AKIRIN2: variants seen among roughly 807,000 people sequenced by gnomAD.
The protein encoded by AKIRIN2 is akirin-2.
AKIRIN2 carries 6 observed loss-of-function variants against 29.3 expected under a neutral mutation model. That is an observed-to-expected ratio of 0.20 (90% CI 0.11 to 0.40). The LOEUF (loss-of-function observed/expected upper bound fraction) is 0.40, where lower values mean the gene tolerates loss of function less well. Ranked by LOEUF, AKIRIN2 falls within the 10% of genes least tolerant of loss-of-function variation. The pLI, the probability that AKIRIN2 is intolerant of heterozygous loss-of-function variation, is 1.00. For synonymous variants in AKIRIN2, 128 were observed against 117.5 expected (o/e 1.09, Z -0.58); for missense variants, 210 against 276.1 (o/e 0.76, Z 1.70).
intron 1 of AKIRIN2, among the ~76,000 whole-genome samples, chr6:87,699,602 G>A (rs1382635264): frequency 6.6e-6 from 1 of 152,026 alleles, no homozygotes; most frequent in Non-Finnish European, 1.5e-5. Context: ...CAATCAGCTG[G>A]CTTAAACAAT....
chr6:87,679,335 CG>C (rs1406540305), intron 2 of AKIRIN2, among the ~76,000 whole-genome samples: 1 of 151,910 alleles, frequency 6.6e-6, no homozygotes, highest in African/African-American at 2.4e-5. Context: ...GGCCAGCCTG[CG>C]CAACATGGCA....
intron 1 of AKIRIN2, among the ~76,000 whole-genome samples, chr6:87,683,164 ACATATCCAGT>A (rs1771142910): frequency 6.6e-6 from 1 of 152,192 alleles, no homozygotes; most frequent in African/African-American, 2.4e-5. Context: ...AAGTGGCAAG[ACATATCCAGT>A]TAAAGATACC....
chr6:87,701,873 C>T lies in AKIRIN2; in HGVS notation c.-189G>A. ...GCCGCCGCTGCCTCCGCGGCAGGGG[C>T]AGTGGCCAGGGACGGCCCGGGTGAG... On this transcript the variant is annotated 5_prime_UTR_variant, in exon 1 of 5. Transcript: ENST00000257787. The T allele has an allele frequency of 2.2e-6, 1 of 449,002 alleles. No individual in the cohort carries two copies. Among genetic ancestry groups the T allele is most frequent in the Non-Finnish European group, 3.9e-6 (1 of 257,378 alleles). The allele number at this position is 449,002 out of a possible 1,614,324, so 27.8% of individuals were successfully genotyped here.
Position 87,675,485 on chromosome 6 carries a change from G to C in AKIRIN2, c.*112C>G. 6.8e-7 allele frequency: 1 copy of C among 1,477,202 alleles called. No individual in the cohort carries two copies. Among genetic ancestry groups the C allele is most frequent in the Non-Finnish European group, 9.4e-7 (1 of 1,063,122 alleles). The allele number at this position is 1,477,202 out of a possible 1,614,324, so 91.5% of individuals were successfully genotyped here. Reference sequence around the variant, plus strand: ...GAGTGGTTGCCACTGACGAAAGCTTGAAATAACCTGTATTCACAGAAGGGG... The same window carrying C: ...GAGTGGTTGCCACTGACGAAAGCTTCAAATAACCTGTATTCACAGAAGGGG... On this transcript the variant is annotated 3_prime_UTR_variant, in exon 5 of 5. Transcript: ENST00000257787.
intron 1 of AKIRIN2, among the ~76,000 whole-genome samples, chr6:87,687,452 A>AAAAAAC (rs1327685866): frequency 1.3e-5 from 2 of 148,380 alleles, no homozygotes; most frequent in African/African-American, 5.1e-5. Context: ...AAAAAAAAAA[A>AAAAAAC]AAAACACACT....
chr6:87,699,145 T>G (rs574248764), intron 1 of AKIRIN2, among the ~76,000 whole-genome samples: 1 of 152,242 alleles, frequency 6.6e-6, no homozygotes, highest in Non-Finnish European at 1.5e-5. Flanking sequence ...TCCCATAAAG[T>G]TTAAGAATAA....
chr6:87,680,774 T>C (rs1460993232), intron 2 of AKIRIN2, among the ~76,000 whole-genome samples: 505 of 2,772 alleles, frequency 0.18, 7 homozygotes, highest in African/African-American at 0.38. Context: ...CCCCCCCCCT[T>C]TTTTTTTTTT....
chr6:87,701,422 C>T (rs1257576378), intron 1 of AKIRIN2, 28 bp downstream of exon 1: 8 of 1,530,860 alleles, frequency 5.2e-6, no homozygotes, highest in Non-Finnish European at 6.1e-6. Context: ...CTCTCCACTA[C>T]CCCGGCGGCC....
In AKIRIN2 at chr6:87,702,031, G is replaced by A. The variant is rs1191387286; in HGVS notation, c.-347C>T. The A allele has an allele frequency of 1.2e-5, 5 of 403,932 alleles. No individual in the cohort carries two copies. In the East Asian group the frequency reaches 1.8e-4, roughly 14 times the overall value. The allele number at this position is 403,932 out of a possible 1,614,324, so 25.0% of individuals were successfully genotyped here. A position where few individuals can be genotyped will look rare whatever the true frequency, so the allele number is the denominator to read the frequency against. Reference sequence around the variant, plus strand: ...TCCGCTCGAGCTTTGCGCCGCGCCTGAGGCGCTTCTGTGCTGAGACTAGAT... The same window carrying A: ...TCCGCTCGAGCTTTGCGCCGCGCCTAAGGCGCTTCTGTGCTGAGACTAGAT... On this transcript the variant is annotated 5_prime_UTR_variant, in exon 1 of 5. Transcript: ENST00000257787.
rs1410141250 is a variant in AKIRIN2 at position 87,675,267 on chromosome 6, A to G, written c.*330T>C. ...AACTTCATCTGAAGTGTCATTCTAC[A>G]GTTTTATTTACACAACCAGTGAAGG... is the stretch of plus-strand genomic sequence containing the variant. On this transcript the variant is annotated 3_prime_UTR_variant, in exon 5 of 5. Transcript: ENST00000257787. The G allele has an allele frequency of 3.0e-6, 1 of 338,880 alleles. No homozygotes were observed. The highest frequency in any genetic ancestry group is 4.3e-5 in the Admixed American group (1 of 23,406). 21.0% of individuals were successfully genotyped at this position (338,880 alleles called of 1,614,324 possible). A position where few individuals can be genotyped will look rare whatever the true frequency, so the allele number is the denominator to read the frequency against.
chr6:87,676,596 A>AACACACGCGCGCGCAC (rs1485678233), intron 3 of AKIRIN2, among the ~76,000 whole-genome samples: 5 of 142,046 alleles, frequency 3.5e-5, no homozygotes, highest in African/African-American at 1.4e-4. Flanking sequence ...CTCTACTAAA[A>AACACACGCGCGCGCAC]ACACACACAC....
At chr6:87,687,675 T>G (rs1771210561) in intron 1 of AKIRIN2, among the ~76,000 whole-genome samples, 1 of 152,330 alleles carries the variant, frequency 6.6e-6, no homozygotes, top group Admixed American at 6.5e-5. Context: ...AGCCAATGAT[T>G]ACTTATTTGA....
chr6:87,676,308 CA>C (rs1212563993), intron 3 of AKIRIN2, among the ~76,000 whole-genome samples: 6 of 149,900 alleles, frequency 4.0e-5, no homozygotes, highest in East Asian at 2.0e-4. Flanking sequence ...ACTAAAAATA[CA>C]AAAAAATTAG....
In AKIRIN2 at chr6:87,699,435, A is replaced by G. The variant is rs76573354; in HGVS notation, c.235+2015T>C. ...TGTTTTCTCAAGTAAACTTTTTGCGATAATATTCAAATTAGTTTGGAAATA... is the reference window on the plus strand; with the variant it reads ...TGTTTTCTCAAGTAAACTTTTTGCGGTAATATTCAAATTAGTTTGGAAATA... On this transcript the variant is annotated intron_variant, in intron 1 of 4. Transcript: ENST00000257787. Among the ~76,000 whole-genome samples the G allele has an allele frequency of 4.5e-3, 259 of 57,622 alleles. 1 individual carries two copies. Among genetic ancestry groups the G allele is most frequent in the African/African-American group, 0.021 (247 of 11,604 alleles). 37.8% of individuals were successfully genotyped at this position (57,622 alleles called of 152,430 possible).
chr6:87,676,455 A>C (rs1373869940), intron 3 of AKIRIN2, among the ~76,000 whole-genome samples: 1 of 121,480 alleles, frequency 8.2e-6, no homozygotes, highest in African/African-American at 3.0e-5. Context: ...AACAAAAAAA[A>C]AAAAAAAAAA....
At chr6:87,692,158 T>C (rs1771286402) in intron 1 of AKIRIN2, among the ~76,000 whole-genome samples, 1 of 152,088 alleles carries the variant, frequency 6.6e-6, no homozygotes, top group African/African-American at 2.4e-5. Context: ...CTAAAAACAA[T>C]GAAAAAACTG....
chr6:87,692,399 C>T (rs933472289), intron 1 of AKIRIN2, among the ~76,000 whole-genome samples: 3 of 152,232 alleles, frequency 2.0e-5, no homozygotes, highest in African/African-American at 4.8e-5. Flanking sequence ...CAATGTCACA[C>T]GGCTTGAACA....
Position 87,701,580 on chromosome 6 carries a change from C to T in AKIRIN2, c.105G>A (p.Ser35=). The part of the protein sequence containing the change: ...RRCAPLSAPT[S]AAASPLSAAA... ...CCGCCGACAACGGGGAGGCAGCGGC[C>T]GAGGTGGGCGCCGACAATGGCGCAC... is the stretch of plus-strand genomic sequence containing the variant. The change falls in exon 1 of 5, where the codon TCG becomes TCA. Residue 35 remains serine, a synonymous_variant. Coordinates refer to ENST00000257787, the MANE Select transcript of AKIRIN2 (RefSeq NM_018064.4). The T allele has an allele frequency of 2.8e-6, 4 of 1,421,922 alleles. No individual in the cohort carries two copies. Among genetic ancestry groups the T allele is most frequent in the Non-Finnish European group, 3.7e-6 (4 of 1,090,026 alleles). 88.1% of individuals were successfully genotyped at this position (1,421,922 alleles called of 1,614,324 possible).
chr6:87,680,769 CCCCT>C (rs1275529568), intron 2 of AKIRIN2, among the ~76,000 whole-genome samples: 12 of 23,768 alleles, frequency 5.0e-4, no homozygotes, highest in Non-Finnish European at 7.5e-4. Context: ...CCCCGCCCCC[CCCCT>C]TTTTTTTTTT....
Sources: allele counts gnomAD v4.1 joint callset (sites outside exome capture counted in the v4.1 genomes callset), GRCh38; gene constraint gnomAD v4.1.1; transcripts MANE v1.5; gene names NCBI Gene and HGNC (gene_info 2026-07-23, HGNC 2026-07-21).